Variants in MRPL52 observed in about 807,000 individuals in gnomAD.
MRPL52 encodes the protein large ribosomal subunit protein mL52.
In MRPL52, 19 loss-of-function variants were observed where a neutral mutation model predicts 22.1. The observed-to-expected ratio is 0.86, with a 90% CI of 0.60 to 1.26. The LOEUF (loss-of-function observed/expected upper bound fraction) is 1.26. Among genes scored for constraint, MRPL52 ranks in the 50% most tolerant of loss-of-function variants. MRPL52 has a pLI of 0.00. For synonymous variants in MRPL52, 50 were observed against 57.5 expected, an observed-to-expected ratio of 0.87 and a Z score of 0.59; for missense variants, 152 against 148.1, an observed-to-expected ratio of 1.03 and a Z score of -0.14.
At position 22,833,478 on chromosome 14, in the gene MRPL52, T is replaced by C. The variant is rs1277971548; in HGVS notation, c.215T>C (p.Phe72Ser). The change falls in exon 4 of 5, where the codon TTT becomes TCT. Residue 72 changes from phenylalanine (F) to serine (S), a missense_variant. By Grantham distance (155) the Phe-to-Ser change is radical. Transcript: ENST00000397496. ...CGAAGAAAAGCTGAAAGGGAGACGT[T>C]TGCAGTGAGTGGTTAGAGCAACAGC... ...QLRRKAERET[F>S]ARRVVLLSQE... is the part of the protein sequence containing the mutation. 4 of 1,612,510 alleles carry C rather than the reference T, an allele frequency of 2.5e-6. No homozygotes were observed. The highest frequency in any genetic ancestry group is 3.4e-6 in the Non-Finnish European group (4 of 1,178,552).
intron 3 of MRPL52, chr14:22,830,895 AGAACATAGGCCAGTCCT>A (rs2039593667): frequency 8.9e-7 from 1 of 1,118,174 alleles, no homozygotes; most frequent in South Asian, 1.4e-5. Context: ...ATCCAGGACT[AGAACATAGGCCAGTCCT>A]CCTTGACAAC....
intron 1 of MRPL52, 37 bp downstream of exon 1, chr14:22,829,977 C>T: frequency 6.2e-7 from 1 of 1,611,856 alleles, no homozygotes; most frequent in Non-Finnish European, 8.5e-7. Context: ...GACTCGGGGG[C>T]CCTTTGGGGA....
In MRPL52 at chr14:22,829,957, A is replaced by T. The variant is rs2039562288; in HGVS notation, c.28+17A>T. The T allele has an allele frequency of 6.2e-7, 1 of 1,609,978 alleles. No individual in the cohort carries two copies. Among genetic ancestry groups the T allele is most frequent in the African/African-American group, 1.3e-5 (1 of 74,914 alleles). ...TTCTCTTCAGTGAGTGGGTATAGAT[A>T]GGGACCGTGGACTCGGGGGCCCTTT... On this transcript the variant is annotated intron_variant, in intron 1 of 4. Transcript: ENST00000397496.
intron 3 of MRPL52, chr14:22,830,957 T>C (rs139992508): frequency 9.9e-6 from 15 of 1,518,084 alleles, no homozygotes; most frequent in Middle Eastern, 3.4e-4. Flanking sequence ...CTATTGTTGC[T>C]CTCTAGGGGT....
Position 22,830,215 on chromosome 14 carries a change from T to C in MRPL52, c.115T>C (p.Tyr39His). The C allele has an allele frequency of 1.2e-6, 2 of 1,614,252 alleles. No homozygotes were observed. Among genetic ancestry groups the C allele is most frequent in the East Asian group, 2.2e-5 (1 of 44,890 alleles). ...GGGACTGGCTGCCAACCCCTCCGGC[T>C]ACGGGCCCCTTACCGAGCTCCCAGA... ...QQGLAANPSGYGPLTELPDWS... is the reference protein window; with the variant it reads ...QQGLAANPSGHGPLTELPDWS... Residue 39 changes from tyrosine (Y) to histidine (H), a missense_variant, in exon 3 of 5, where the codon TAC becomes CAC. Coordinates refer to ENST00000397496, the MANE Select transcript of MRPL52 (RefSeq NM_180982.3).
At chr14:22,830,382 G>C in intron 3 of MRPL52, 128 bp downstream of exon 3, 1 of 916,120 alleles carries the variant, frequency 1.1e-6, no homozygotes, top group Non-Finnish European at 1.7e-6. Context: ...TTGGAAAACG[G>C]AATTTGGGGA....
rs1172478237 is a variant in MRPL52 at position 22,834,156 on chromosome 14, T to C, written c.220-16T>C. On this transcript the variant is annotated splice_polypyrimidine_tract_variant and intron_variant, in intron 4 of 4. Transcript: ENST00000397496. ...AGTCCCAGATGTTATCCACACTGTT[T>C]TCCTGTCTGTTTCAGAGACGAGTTG... The C allele has an allele frequency of 1.9e-6, 3 of 1,613,428 alleles. No homozygotes were observed. The highest frequency in any genetic ancestry group is 2.5e-6 in the Non-Finnish European group (3 of 1,179,770).
chr14:22,834,054 A>G (rs2039683670), intron 4 of MRPL52, 118 bp from the exon 5 acceptor site: 1 of 1,180,958 alleles, frequency 8.5e-7, no homozygotes, highest in Non-Finnish European at 1.2e-6. Context: ...ACTCGCTCCC[A>G]CTGGGGAGTC....
intron 3 of MRPL52, 45 bp from the exon 4 acceptor site, chr14:22,833,373 C>A: frequency 1.6e-6 from 2 of 1,241,184 alleles, no homozygotes; most frequent in African/African-American, 1.5e-5. Context: ...CAAGGTGATG[C>A]AGTCCATCTC....
intron 3 of MRPL52, chr14:22,830,922 C>A (rs1021763410): frequency 7.3e-7 from 1 of 1,372,094 alleles, no homozygotes. Context: ...TCCTTGACAA[C>A]ACAGAGATCT....
At position 22,830,058 on chromosome 14, in the gene MRPL52, C is replaced by T; in HGVS notation, c.34C>T (p.Arg12Trp). 1 of 1,614,058 alleles carries T rather than the reference C, an allele frequency of 6.2e-7. No homozygotes were observed. The highest frequency in any genetic ancestry group is 8.5e-7 in the Non-Finnish European group (1 of 1,179,960). The part of the protein sequence containing the change: ...AALGTVLFSV[R>W]RLHCSVAAWA... ...CTGCTCTGTTCTCCCAGCAGGTGTC[C>T]GGAGGCTGCACTGCAGCGTAGCCGC... The change falls in exon 2 of 5, where the codon CGG (arginine) becomes TGG (tryptophan). Residue 12 changes from arginine (R) to tryptophan (W), a missense_variant. Coordinates refer to ENST00000397496, the MANE Select transcript of MRPL52 (RefSeq NM_180982.3).
Position 22,834,588 on chromosome 14 carries a change from A to T in MRPL52, c.*267A>T. 3.3e-6 allele frequency: 1 copy of T among 302,944 alleles called. No individual in the cohort carries two copies. Among genetic ancestry groups the T allele is most frequent in the South Asian group, 4.7e-5 (1 of 21,420 alleles). 18.8% of individuals were successfully genotyped at this position (302,944 alleles called of 1,614,324 possible). ...GGTGGCTCACGCCTGTAATCCCAGC[A>T]CTTTGGGAGGCTGAGGCGGGCAGAT... On this transcript the variant is annotated 3_prime_UTR_variant, in exon 5 of 5. Coordinates refer to ENST00000397496, the MANE Select transcript of MRPL52 (RefSeq NM_180982.3).
At chr14:22,832,531 A>G (rs967558432) in intron 3 of MRPL52, among the ~76,000 whole-genome samples, 4 of 151,750 alleles carry the variant, frequency 2.6e-5, no homozygotes, top group Non-Finnish European at 4.4e-5. Flanking sequence ...TAGTAGAGAC[A>G]GGGTTTCACC....
rs979858021 is a variant in MRPL52, at chr14:22,834,307, C to T, written c.355C>T (p.Leu119Phe). 2 of 1,610,332 alleles carry T rather than the reference C, an allele frequency of 1.2e-6. No individual in the cohort carries two copies. Among genetic ancestry groups the T allele is most frequent in the East Asian group, 2.2e-5 (1 of 44,850 alleles). ...CAAAGGGGCTTCACTGAAGAGCCCACTTCCAAGTCAATAAAAAGCAACTCC... is the reference window on the plus strand; with the variant it reads ...CAAAGGGGCTTCACTGAAGAGCCCATTTCCAAGTCAATAAAAAGCAACTCC... ...KPKGASLKSP[L>F]PSQ The change falls in exon 5 of 5, where the codon CTT (leucine) becomes TTT (phenylalanine). Residue 119 changes from leucine (L) to phenylalanine (F), a missense_variant. By Grantham distance (22) the Leu-to-Phe change is conservative. Transcript: ENST00000397496.
chr14:22,833,497 C>T lies in MRPL52; in HGVS notation c.219+15C>T, dbSNP rs142727241. The T allele has an allele frequency of 8.4e-3, 13,493 of 1,600,372 alleles. 70 individuals are homozygous for T. Among genetic ancestry groups the T allele is most frequent in the Non-Finnish European group, 9.9e-3 (11,611 of 1,167,448 alleles). On this transcript the variant is annotated intron_variant, in intron 4 of 4. Coordinates refer to ENST00000397496, the MANE Select transcript of MRPL52 (RefSeq NM_180982.3). ...AGACGTTTGCAGTGAGTGGTTAGAG[C>T]AACAGCCAGGGCTACCTGGAAGGAG... is the stretch of plus-strand genomic sequence containing the variant.
intron 3 of MRPL52, among the ~76,000 whole-genome samples, chr14:22,832,296 C>G (rs2039638405): frequency 6.6e-6 from 1 of 151,946 alleles, no homozygotes; most frequent in African/African-American, 2.4e-5. Flanking sequence ...AGCAAAGGTA[C>G]ATAGAACAAC....
rs1031650357 is a variant in MRPL52, at chr14:22,834,853, A to G, written c.*532A>G. ...ACAGGGCGAGACTCCGTCTCAAAAA[A>G]AAAAAAAAATTTACCTCCTTTGCAG... On this transcript the variant is annotated 3_prime_UTR_variant, in exon 5 of 5. Transcript: ENST00000397496. 1 of 152,524 alleles carries G rather than the reference A, an allele frequency of 6.6e-6. No individual in the cohort carries two copies. The highest frequency in any genetic ancestry group is 1.5e-5 in the Non-Finnish European group (1 of 68,308). 9.4% of individuals were successfully genotyped at this position (152,524 alleles called of 1,614,324 possible).
In MRPL52 at chr14:22,834,511, A is replaced by G; in HGVS notation, c.*190A>G. ...GCTTAGTACTCTCATCTCTGGTTCC[A>G]TTCCAGTTCAGCTAAGTCTTGCTTT... is the stretch of plus-strand genomic sequence containing the variant. On this transcript the variant is annotated 3_prime_UTR_variant, in exon 5 of 5. Coordinates refer to ENST00000397496, the MANE Select transcript of MRPL52 (RefSeq NM_180982.3). 1.6e-6 allele frequency: 1 copy of G among 629,464 alleles called. No homozygotes were observed. Among genetic ancestry groups the G allele is most frequent in the South Asian group, 2.5e-5 (1 of 39,430 alleles). 39.0% of individuals were successfully genotyped at this position (629,464 alleles called of 1,614,324 possible).
At chr14:22,831,106 CTTTT>C (rs36143447) in intron 3 of MRPL52, 43 of 167,564 alleles carry the variant, frequency 2.6e-4, no homozygotes, top group African/African-American at 1.1e-3. Context: ...CATATGACTG[CTTTT>C]TTTTTTTTTT....
Sources: allele counts gnomAD v4.1 joint callset (sites outside exome capture counted in the v4.1 genomes callset), GRCh38; gene constraint gnomAD v4.1.1; transcripts MANE v1.5; gene names NCBI Gene and HGNC (gene_info 2026-07-23, HGNC 2026-07-21).